Variants in TSHZ2 observed in about 807,000 individuals in gnomAD.
The protein encoded by TSHZ2 is teashirt zinc finger homeobox 2, also known as teashirt homolog 2.
TSHZ2 carries 21 observed loss-of-function variants against 74.4 expected under a neutral mutation model. The ratio of observed to expected loss-of-function variants is 0.28; its 90% CI spans 0.20 to 0.41. The LOEUF (loss-of-function observed/expected upper bound fraction) is 0.41. Ranked by LOEUF, TSHZ2 falls within the 10% of genes least tolerant of loss-of-function variation. The pLI is 1.00. For missense variants in TSHZ2, 1,244 were observed against 1,293.5 expected (o/e 0.96, Z 0.59); for synonymous variants, 540 against 515.3 (o/e 1.05, Z -0.65).
intron 2 of TSHZ2, among the ~76,000 whole-genome samples, chr20:53,367,908 T>C (rs1233545758): frequency 6.6e-6 from 1 of 152,150 alleles, no homozygotes; most frequent in African/African-American, 2.4e-5. Context: ...TAACTAGTAA[T>C]GAAAACCAAG....
In TSHZ2 at chr20:53,469,818, TAGAG is replaced by T. The variant is rs1432680740; in HGVS notation, c.*9-17324_*9-17321del. ...GAAGGAAGGAAGGACCCAACAAAGA[TAGAG>T]AAAGAGAGAGGGAGGAAGGGAGGGA... On this transcript the variant is annotated intron_variant, in intron 2 of 2. Transcript: ENST00000371497. 4.6e-5 allele frequency among the ~76,000 whole-genome samples: 3 copies of T among 65,030 alleles called. 1 individual carries two copies. Among genetic ancestry groups the T allele is most frequent in the East Asian group, 4.1e-4 (1 of 2,424 alleles). The allele number at this position is 65,030 out of a possible 152,430, so 42.7% of individuals were successfully genotyped here. A position where few individuals can be genotyped will look rare whatever the true frequency, so the allele number is the denominator to read the frequency against.
At chr20:53,185,728 C>T (rs968772193) in intron 1 of TSHZ2, 3 of 1,535,530 alleles carry the variant, frequency 2.0e-6, no homozygotes, top group African/African-American at 1.4e-5. Context: ...TGGCTCTATT[C>T]TCTTGCTAAA....
At chr20:53,043,284 C>A (rs1217283456) in intron 1 of TSHZ2, among the ~76,000 whole-genome samples, 2 of 152,146 alleles carry the variant, frequency 1.3e-5, no homozygotes, top group Non-Finnish European at 2.9e-5. Flanking sequence ...TTATACTGTT[C>A]TCAACAGGAG....
chr20:53,314,295 A>AG (rs1978910108), intron 2 of TSHZ2, among the ~76,000 whole-genome samples: 1 of 151,856 alleles, frequency 6.6e-6, no homozygotes, highest in East Asian at 1.9e-4. Context: ...CTCAAAAAAA[A>AG]AAAAAAGAAA....
At chr20:53,351,002 C>T (rs1980625333) in intron 2 of TSHZ2, among the ~76,000 whole-genome samples, 1 of 152,210 alleles carries the variant, frequency 6.6e-6, no homozygotes, top group African/African-American at 2.4e-5. Flanking sequence ...AAGGTTCCAG[C>T]CATAATTTTT....
rs1301956911 is a variant in TSHZ2 at position 53,096,915 on chromosome 20, C to CA, written c.40+123588dup. On this transcript the variant is annotated intron_variant, in intron 1 of 2. Coordinates refer to ENST00000371497, the MANE Select transcript of TSHZ2 (RefSeq NM_173485.6). ...AAAAAAACCCAAAAACCAAAAAAAA[C>CA]AAAAAACAAAACAAAAACAAAAAAC... Among the ~76,000 whole-genome samples the CA allele has an allele frequency of 1.1e-4, 17 of 148,494 alleles. No homozygotes were observed. In the East Asian group the frequency reaches 2.7e-3, roughly 24 times the overall value.
chr20:53,316,244 C>A (rs1408411066), intron 2 of TSHZ2, among the ~76,000 whole-genome samples: 1 of 152,188 alleles, frequency 6.6e-6, no homozygotes, highest in African/African-American at 2.4e-5. Context: ...TCACTTGGTT[C>A]ATTGTTGTTG....
At chr20:53,347,995 C>A (rs896334245) in intron 2 of TSHZ2, among the ~76,000 whole-genome samples, 2 of 152,148 alleles carry the variant, frequency 1.3e-5, no homozygotes, top group Non-Finnish European at 2.9e-5. Flanking sequence ...CTCCTCCCAG[C>A]CCCTGATAAC....
chr20:53,323,864 C>T (rs1469255740), intron 2 of TSHZ2, among the ~76,000 whole-genome samples: 1 of 152,154 alleles, frequency 6.6e-6, no homozygotes, highest in Non-Finnish European at 1.5e-5. Flanking sequence ...AGGCCTGAGC[C>T]ACCATGCCCG....
At chr20:53,165,845 G>T (rs1988050560) in intron 1 of TSHZ2, among the ~76,000 whole-genome samples, 1 of 152,170 alleles carries the variant, frequency 6.6e-6, no homozygotes, top group Non-Finnish European at 1.5e-5. Flanking sequence ...GGGTCCACAT[G>T]CAGACTCACT....
chr20:53,192,992 G>A (rs1016077030), intron 1 of TSHZ2, among the ~76,000 whole-genome samples: 5 of 152,134 alleles, frequency 3.3e-5, no homozygotes, highest in African/African-American at 1.2e-4. Context: ...CAGAGCGGCT[G>A]TGCCAGCAGG....
intron 2 of TSHZ2, among the ~76,000 whole-genome samples, chr20:53,472,704 C>T (rs371839255): frequency 1.4e-4 from 22 of 151,868 alleles, no homozygotes; most frequent in African/African-American, 4.4e-4. Flanking sequence ...CCAGCCTGAG[C>T]GACGCAGAAG....
At chr20:53,452,701 C>T (rs540594656) in intron 2 of TSHZ2, among the ~76,000 whole-genome samples, 10 of 151,992 alleles carry the variant, frequency 6.6e-5, no homozygotes, top group African/African-American at 1.7e-4. Flanking sequence ...TATATCAACA[C>T]GTACCCCTAC....
intron 2 of TSHZ2, among the ~76,000 whole-genome samples, chr20:53,418,420 T>G (rs1354176834): frequency 6.6e-6 from 1 of 152,170 alleles, no homozygotes. Flanking sequence ...GCTGGGCAAC[T>G]TACAAAAGAA....
intron 1 of TSHZ2, among the ~76,000 whole-genome samples, chr20:53,084,695 CTCCCTCT>C (rs1985642732): frequency 8.6e-5 from 2 of 23,196 alleles, no homozygotes; most frequent in East Asian, 4.0e-3. Context: ...CCCTCCCTCT[CTCCCTCT>C]CTCCCTCTCT....
At chr20:53,464,976 C>T (rs536827372) in intron 2 of TSHZ2, among the ~76,000 whole-genome samples, 1 of 152,308 alleles carries the variant, frequency 6.6e-6, no homozygotes, top group South Asian at 2.1e-4. Flanking sequence ...AACATGGATA[C>T]TTGAACTTTT....
At chr20:53,128,079 A>G (rs771801370) in intron 1 of TSHZ2, among the ~76,000 whole-genome samples, 3 of 152,146 alleles carry the variant, frequency 2.0e-5, no homozygotes, top group Non-Finnish European at 4.4e-5. Flanking sequence ...CAGATAGTAG[A>G]TTTCATCTTG....
intron 1 of TSHZ2, among the ~76,000 whole-genome samples, chr20:53,132,629 C>A (rs564382587): frequency 6.6e-6 from 1 of 152,046 alleles, no homozygotes; most frequent in Non-Finnish European, 1.5e-5. Context: ...CTTAGAAAAC[C>A]ACAAAGGTCC....
At position 53,074,387 on chromosome 20, in the gene TSHZ2, T is replaced by C. The variant is rs984720510; in HGVS notation, c.40+101054T>C. Among the ~76,000 whole-genome samples, 1 of 152,206 alleles carries C rather than the reference T, an allele frequency of 6.6e-6. No individual in the cohort carries two copies. The highest frequency in any genetic ancestry group is 6.5e-5 in the Admixed American group (1 of 15,284). On this transcript the variant is annotated intron_variant, in intron 1 of 2. Transcript: ENST00000371497. The surrounding 1 kb of genome is among the most constrained non-coding windows in gnomAD (Gnocchi z 5.9). ...CAGGATTCATGGGTCTTTGTGTTCT[T>C]ACAGTGCCTCAATTGCTCACCAGGA... is the stretch of plus-strand genomic sequence containing the variant.
Sources: allele counts gnomAD v4.1 joint callset (sites outside exome capture counted in the v4.1 genomes callset), GRCh38; gene constraint gnomAD v4.1.1; non-coding constraint Gnocchi (gnomAD v3.1); transcripts MANE v1.5; gene names NCBI Gene and HGNC (gene_info 2026-07-23, HGNC 2026-07-21).